ACVR1: variants seen among roughly 807,000 people sequenced by gnomAD.
ACVR1 encodes the protein activin receptor type-1.
Under a neutral mutation model 57.1 loss-of-function variants are expected in ACVR1, and 38 were observed. That is an observed-to-expected ratio of 0.67 (90% confidence interval 0.51 to 0.87). The LOEUF is 0.87. ACVR1 is among the 40% of genes least tolerant of loss of function. The pLI, the probability that ACVR1 is intolerant of heterozygous loss-of-function variation, is 0.00. For missense variants in ACVR1, 463 were observed against 638.2 expected (o/e 0.73, Z 2.96); for synonymous variants, 212 against 228.1 (o/e 0.93, Z 0.63).
At position 157,770,439 on chromosome 2, in the gene ACVR1, C is replaced by A; in HGVS notation, c.719G>T (p.Arg240Leu). 1 of 1,614,016 alleles carries A rather than the reference C, an allele frequency of 6.2e-7. No individual in the cohort carries two copies. The highest frequency in any genetic ancestry group is 8.5e-7 in the Non-Finnish European group (1 of 1,179,942). The change falls in exon 7 of 11, where the codon CGT (arginine) becomes CTT (leucine). Residue 240 changes from arginine to leucine, a missense_variant. Arg to Leu is a moderately radical substitution (Grantham distance 102). Transcript: ENST00000434821. ...TTCCCTGAACCATGACTTCTCATCA[C>A]GGGAGGAGAAGATCTTCACGGCAAC... The part of the protein sequence containing the change: ...ENVAVKIFSS[R>L]DEKSWFRETE...
At chr2:157,793,630 T>A (rs926383943) in intron 3 of ACVR1, among the ~76,000 whole-genome samples, 5 of 152,202 alleles carry the variant, frequency 3.3e-5, no homozygotes, top group African/African-American at 1.2e-4. Context: ...TTTGATGATA[T>A]GCCAAAGAAA....
intron 1 of ACVR1, among the ~76,000 whole-genome samples, chr2:157,846,881 G>A (rs1002180714): frequency 2.0e-5 from 3 of 152,136 alleles, no homozygotes; most frequent in Non-Finnish European, 2.9e-5. Context: ...AGTCTCCAAA[G>A]GAGAAGAGAA....
intron 1 of ACVR1, among the ~76,000 whole-genome samples, chr2:157,851,305 T>G (rs933142124): frequency 6.6e-6 from 1 of 152,054 alleles, no homozygotes; most frequent in African/African-American, 2.4e-5. Flanking sequence ...GGTGATCAAC[T>G]CTTCAAGTAA....
At chr2:157,765,830 G>A in intron 8 of ACVR1, 91 bp downstream of exon 8, 1 of 1,346,062 alleles carries the variant, frequency 7.4e-7, no homozygotes, top group Non-Finnish European at 1.0e-6. Context: ...TTGAAATTTT[G>A]CATAACATGT....
chr2:157,807,776 A>G (rs1197847645), intron 2 of ACVR1, among the ~76,000 whole-genome samples: 1 of 139,784 alleles, frequency 7.2e-6, no homozygotes, highest in Admixed American at 7.9e-5. Context: ...CCCTCCCATG[A>G]CTTACAGTGT....
intron 1 of ACVR1, among the ~76,000 whole-genome samples, chr2:157,870,204 T>G (rs1401623601): frequency 1.3e-5 from 2 of 152,168 alleles, no homozygotes; most frequent in Non-Finnish European, 2.9e-5. Context: ...ATTTCTAATA[T>G]CCAACTTTGC....
At chr2:157,855,308 G>GTGTGTGTGTGTATATA (rs1307480066) in intron 1 of ACVR1, among the ~76,000 whole-genome samples, 4 of 51,656 alleles carry the variant, frequency 7.7e-5, no homozygotes, top group African/African-American at 2.0e-4. Flanking sequence ...GTGTGTGTGT[G>GTGTGTGTGTGTATATA]TATATATATA....
At chr2:157,845,605 T>G (rs1353978112) in intron 1 of ACVR1, among the ~76,000 whole-genome samples, 1 of 152,194 alleles carries the variant, frequency 6.6e-6, no homozygotes, top group African/African-American at 2.4e-5. Context: ...TAATTTCTTA[T>G]GGCAGCCCTA....
chr2:157,815,383 C>G (rs760818570), intron 2 of ACVR1, among the ~76,000 whole-genome samples: 2 of 152,042 alleles, frequency 1.3e-5, no homozygotes, highest in Non-Finnish European at 1.5e-5. Context: ...CCTTTTTAAT[C>G]TTGTATACAT....
intron 3 of ACVR1, 126 bp from the exon 4 acceptor site, chr2:157,780,726 A>G: frequency 8.5e-7 from 1 of 1,170,556 alleles, no homozygotes; most frequent in Non-Finnish European, 1.2e-6. Context: ...AAGCATCACC[A>G]TCAACCATGA....
chr2:157,755,794 C>T (rs1338332766), intron 9 of ACVR1, among the ~76,000 whole-genome samples: 1 of 151,962 alleles, frequency 6.6e-6, no homozygotes, highest in African/African-American at 2.4e-5. Context: ...CGTCATTCTT[C>T]ACAGAACTAG....
chr2:157,736,584 G>A lies in ACVR1; in HGVS notation c.*947C>T, dbSNP rs1684540764. The A allele has an allele frequency of 6.7e-6, 2 of 297,084 alleles. No individual in the cohort carries two copies. The highest frequency in any genetic ancestry group is 2.1e-5 in the African/African-American group (1 of 46,756). The allele number at this position is 297,084 out of a possible 1,614,324, so 18.4% of individuals were successfully genotyped here. A position where few individuals can be genotyped will look rare whatever the true frequency, so the allele number is the denominator to read the frequency against. On this transcript the variant is annotated 3_prime_UTR_variant, in exon 11 of 11. Coordinates refer to ENST00000434821, the MANE Select transcript of ACVR1 (RefSeq NM_001111067.4). The stretch of plus-strand genomic sequence containing the variant: ...ATTCTGAAGAAAATGCATTTTCCCC[G>A]TAGCGTTCAGGACTAAAATTCTACT...
At chr2:157,863,328 T>C (rs1436446975) in intron 1 of ACVR1, among the ~76,000 whole-genome samples, 1 of 131,344 alleles carries the variant, frequency 7.6e-6, no homozygotes, top group African/African-American at 2.8e-5. Flanking sequence ...AACAGTTAAA[T>C]TGTTTCTCTT....
rs567435685 is a variant in ACVR1, at chr2:157,741,984, A to AG, written c.1265-3415dup. On this transcript the variant is annotated intron_variant, in intron 9 of 10. Transcript: ENST00000434821. ...CCAGGCAGAGGGAGGCTATGGGGCA[A>AG]GGACAGGAACTGACAAACCATCCTC... Among the ~76,000 whole-genome samples the AG allele has an allele frequency of 3.1e-3, 477 of 152,258 alleles. 6 individuals are homozygous for AG. The highest frequency in any genetic ancestry group is 0.011 in the African/African-American group (466 of 41,546).
chr2:157,756,975 A>T (rs1349004020), intron 9 of ACVR1, among the ~76,000 whole-genome samples: 2 of 144,558 alleles, frequency 1.4e-5, no homozygotes, highest in Admixed American at 6.9e-5. Flanking sequence ...ATATATATTT[A>T]TATATATATA....
intron 1 of ACVR1, among the ~76,000 whole-genome samples, chr2:157,867,610 C>T (rs1000910739): frequency 2.6e-5 from 4 of 151,990 alleles, no homozygotes; most frequent in Non-Finnish European, 5.9e-5. Flanking sequence ...TTCAGTGTTG[C>T]AGGAGCAGCT....
intron 1 of ACVR1, among the ~76,000 whole-genome samples, chr2:157,828,025 A>G (rs919410732): frequency 2.6e-5 from 4 of 152,188 alleles, no homozygotes; most frequent in Non-Finnish European, 5.9e-5. Context: ...TTCTTTAATT[A>G]AAGGTGCTGT....
At chr2:157,798,026 T>C (rs955183948) in intron 3 of ACVR1, among the ~76,000 whole-genome samples, 1 of 152,126 alleles carries the variant, frequency 6.6e-6, no homozygotes, top group African/African-American at 2.4e-5. Context: ...TCCAGGACTG[T>C]GAGAAATAAA....
At chr2:157,743,564 TG>T (rs1684856750) in intron 9 of ACVR1, among the ~76,000 whole-genome samples, 1 of 151,970 alleles carries the variant, frequency 6.6e-6, no homozygotes, top group Non-Finnish European at 1.5e-5. Context: ...TAGATGCATT[TG>T]CCAAATTTGG....
Sources: allele counts gnomAD v4.1 joint callset (sites outside exome capture counted in the v4.1 genomes callset), GRCh38; gene constraint gnomAD v4.1.1; transcripts MANE v1.5; gene names NCBI Gene and HGNC (gene_info 2026-07-23, HGNC 2026-07-21).